Variants in MAPK10 observed in about 807,000 individuals in gnomAD.
The protein encoded by MAPK10 is mitogen-activated protein kinase 10.
In MAPK10, 25 loss-of-function variants were observed where a neutral mutation model predicts 59.3. The ratio of observed to expected loss-of-function variants is 0.42; its 90% CI spans 0.31 to 0.59. The LOEUF (loss-of-function observed/expected upper bound fraction) is 0.59. Among genes scored for constraint, MAPK10 ranks in the 20% least tolerant of loss-of-function variants. MAPK10 has a pLI of 0.15. For synonymous variants in MAPK10, 190 were observed against 200.5 expected, an observed-to-expected ratio of 0.95 and a Z score of 0.44; for missense variants, 351 against 568.9, an observed-to-expected ratio of 0.62 and a Z score of 3.90.
chr4:86,444,300 T>C (rs960661085), intron 1 of MAPK10, among the ~76,000 whole-genome samples: 6 of 151,908 alleles, frequency 3.9e-5, no homozygotes, highest in Non-Finnish European at 8.8e-5. Context: ...AAATCAAAGA[T>C]AAAGAAAAAT....
intron 2 of MAPK10, among the ~76,000 whole-genome samples, chr4:86,237,775 T>C (rs1385562958): frequency 6.6e-6 from 1 of 152,178 alleles, no homozygotes; most frequent in Non-Finnish European, 1.5e-5. Context: ...ATTGCAAAAA[T>C]TTTCTCCCAT....
intron 2 of MAPK10, among the ~76,000 whole-genome samples, chr4:86,279,100 T>C (rs974925763): frequency 2.0e-5 from 3 of 152,162 alleles, no homozygotes; most frequent in African/African-American, 4.8e-5. Context: ...GTGAAGACCA[T>C]GTATGGGAAC....
chr4:86,412,131 A>C (rs1226272298), intron 1 of MAPK10, among the ~76,000 whole-genome samples: 3 of 152,114 alleles, frequency 2.0e-5, no homozygotes, highest in Admixed American at 2.0e-4. Flanking sequence ...CTTATCTGTA[A>C]AGGATTTTAT....
At position 86,581,899 on chromosome 4, in the gene MAPK10, TTATATATATATATATATATATA is replaced by T. The variant is rs67303972; in HGVS notation, c.-263+11989_-263+12010del. Among the ~76,000 whole-genome samples the T allele has an allele frequency of 2.4e-3, 219 of 91,584 alleles. 4 individuals are homozygous for T. The highest frequency in any genetic ancestry group is 6.3e-3 in the African/African-American group (131 of 20,820). 60.1% of individuals were successfully genotyped at this position (91,584 alleles called of 152,430 possible). A position where few individuals can be genotyped will look rare whatever the true frequency, so the allele number is the denominator to read the frequency against. ...AGTAAAACACTTTAAGCTATATATA[TTATATATATATATATATATATA>T]TATATATATATATATATATATATAT... On this transcript the variant is annotated intron_variant, in intron 1 of 4. Coordinates refer to the MAPK10 transcript ENST00000502302.
At chr4:86,125,286 G>A (rs1021361506) in intron 4 of MAPK10, 31 of 151,370 alleles carry the variant, frequency 2.0e-4, no homozygotes, top group African/African-American at 6.5e-4. Context: ...AAAAATATCA[G>A]AAATTTCAGC....
chr4:86,295,202 A>T (rs531125036), intron 2 of MAPK10, among the ~76,000 whole-genome samples: 1 of 152,166 alleles, frequency 6.6e-6, no homozygotes, highest in East Asian at 1.9e-4. Context: ...ACAAAACAAC[A>T]CGGTGTTTGT....
Position 86,285,267 on chromosome 4 carries a change from G to A in MAPK10, c.-7+69263C>T, listed in dbSNP as rs185388956. ...GAGTCTTGCTGTGTTGCCCAGGCTG[G>A]AGTCCAGTGGTGTGATCTCGGCTCA... On this transcript the variant is annotated intron_variant, in intron 2 of 13. Coordinates refer to ENST00000641462, the MANE Select transcript of MAPK10 (RefSeq NM_138982.4). Among the ~76,000 whole-genome samples, 216 of 151,962 alleles carry A rather than the reference G, an allele frequency of 1.4e-3. No homozygotes were observed. In the Middle Eastern group the frequency reaches 0.021, roughly 14 times the overall value.
intron 4 of MAPK10, among the ~76,000 whole-genome samples, chr4:86,153,901 T>C (rs1320399321): frequency 6.6e-6 from 1 of 152,116 alleles, no homozygotes; most frequent in African/African-American, 2.4e-5. Context: ...GAGGTTGCGA[T>C]TAAGGGTCCA....
At chr4:86,583,009 A>G (rs989741788) in intron 1 of MAPK10, among the ~76,000 whole-genome samples, 1 of 152,028 alleles carries the variant, frequency 6.6e-6, no homozygotes, top group Admixed American at 6.6e-5. Context: ...TTATTTAATT[A>G]GTGATTGATG....
chr4:86,107,727 G>A (rs946897383), intron 4 of MAPK10: 6 of 875,854 alleles, frequency 6.9e-6, no homozygotes, highest in African/African-American at 1.8e-5. Context: ...ACTATGGCAA[G>A]TCATTTAATC....
chr4:86,075,826 A>G (rs1346909240), intron 9 of MAPK10, among the ~76,000 whole-genome samples: 1 of 152,124 alleles, frequency 6.6e-6, no homozygotes, highest in Non-Finnish European at 1.5e-5. Flanking sequence ...TTAAGTCTGC[A>G]GAGGTTACTG....
At chr4:86,592,449 C>T (rs1763120278) in intron 1 of MAPK10, among the ~76,000 whole-genome samples, 1 of 152,172 alleles carries the variant, frequency 6.6e-6, no homozygotes, top group South Asian at 2.1e-4. Context: ...ACTATACTTG[C>T]TATACCTTCT....
intron 1 of MAPK10, among the ~76,000 whole-genome samples, chr4:86,386,120 C>T (rs536045704): frequency 2.6e-5 from 4 of 152,196 alleles, no homozygotes; most frequent in Non-Finnish European, 5.9e-5. Flanking sequence ...CACCTGATTA[C>T]GAACTCCATT....
chr4:86,165,886 G>T (rs2071531367), intron 3 of MAPK10, among the ~76,000 whole-genome samples: 1 of 151,834 alleles, frequency 6.6e-6, no homozygotes, highest in Admixed American at 6.6e-5. Flanking sequence ...GTTATTCTAT[G>T]GAATCAATGA....
At chr4:86,563,793 C>T (rs1445182723) in intron 1 of MAPK10, among the ~76,000 whole-genome samples, 2 of 152,078 alleles carry the variant, frequency 1.3e-5, no homozygotes, top group African/African-American at 2.4e-5. Flanking sequence ...GGACAGCATG[C>T]GATTTCATCA....
chr4:86,081,666 CAAGGG>C (rs1473876749), intron 9 of MAPK10: 2 of 151,710 alleles, frequency 1.3e-5, no homozygotes, highest in Admixed American at 1.3e-4. Flanking sequence ...ATTTTATATC[CAAGGG>C]ATTGGTAACA....
At chr4:86,049,423 T>G (rs1415326434) in intron 11 of MAPK10, among the ~76,000 whole-genome samples, 1 of 151,940 alleles carries the variant, frequency 6.6e-6, no homozygotes, top group African/African-American at 2.4e-5. Flanking sequence ...GTGGATTTTC[T>G]TAAAACAGAG....
At chr4:86,389,488 C>G (rs1035747150) in intron 1 of MAPK10, among the ~76,000 whole-genome samples, 6 of 152,176 alleles carry the variant, frequency 3.9e-5, no homozygotes, top group African/African-American at 1.4e-4. Context: ...AGGGAGCATG[C>G]CACACTCCCC....
intron 1 of MAPK10, among the ~76,000 whole-genome samples, chr4:86,368,770 C>A (rs1738303174): frequency 6.6e-6 from 1 of 151,810 alleles, no homozygotes; most frequent in African/African-American, 2.4e-5. Flanking sequence ...TTTTCAGTAT[C>A]CTAATAGCAT....
Sources: allele counts gnomAD v4.1 joint callset (sites outside exome capture counted in the v4.1 genomes callset), GRCh38; gene constraint gnomAD v4.1.1; transcripts MANE v1.5; gene names NCBI Gene and HGNC (gene_info 2026-07-23, HGNC 2026-07-21).